Variants in CPED1 observed in about 807,000 individuals in gnomAD.
The protein encoded by CPED1 is cadherin like and PC-esterase domain containing 1, also known as cadherin-like and PC-esterase domain-containing protein 1.
In CPED1, 114 loss-of-function variants were observed where a neutral mutation model predicts 128.2. The ratio of observed to expected loss-of-function variants is 0.89; its 90% CI spans 0.76 to 1.04. The LOEUF is 1.04. Ranked by LOEUF, CPED1 falls within the 50% of genes least tolerant of loss-of-function variation. CPED1 has a pLI of 0.00. For synonymous variants in CPED1, 462 were observed against 426.7 expected (o/e 1.08, Z -1.02); for missense variants, 1,211 against 1,207.1 (o/e 1.00, Z -0.05).
chr7:121,099,588 C>T (rs1000343143), intron 6 of CPED1, among the ~76,000 whole-genome samples: 4 of 152,126 alleles, frequency 2.6e-5, no homozygotes, highest in African/African-American at 9.7e-5. Flanking sequence ...GCCTGGTCTC[C>T]AACTCCTGAG....
Position 121,036,624 on chromosome 7 carries a change from A to G in CPED1, c.434-10263A>G, listed in dbSNP as rs116225613. 1.6e-3 allele frequency among the ~76,000 whole-genome samples: 236 copies of G among 151,956 alleles called. 1 individual carries two copies. The highest frequency in any genetic ancestry group is 5.5e-3 in the African/African-American group (227 of 41,452). Reference sequence around the variant, plus strand: ...ATGCTTGTGTAAGTATCTTTTTCATATAATGACTTCTTTTCCATGGGTAGA... The same window carrying G: ...ATGCTTGTGTAAGTATCTTTTTCATGTAATGACTTCTTTTCCATGGGTAGA... On this transcript the variant is annotated intron_variant, in intron 3 of 22. Transcript: ENST00000310396.
rs143892755 is a variant in CPED1, at chr7:121,219,190, A to G, written c.2056-17524A>G. On this transcript the variant is annotated intron_variant, in intron 16 of 22. Coordinates refer to ENST00000310396, the MANE Select transcript of CPED1 (RefSeq NM_024913.5). ...TGGATTCCATCTGGAACCAAAACCA[A>G]AAGTGCGAGAAACCACAACAAAGGC... Among the ~76,000 whole-genome samples, 805 of 152,138 alleles carry G rather than the reference A, an allele frequency of 5.3e-3. 7 individuals carry two copies. Among genetic ancestry groups the G allele is most frequent in the African/African-American group, 0.018 (738 of 41,560 alleles).
rs1305781991 is a variant in CPED1, at chr7:121,142,105, C to T, written c.2019C>T (p.Pro673=). Residue 673 remains proline (P), a synonymous_variant, in exon 16 of 23, where the codon CCC becomes CCT. Coordinates refer to ENST00000310396, the MANE Select transcript of CPED1 (RefSeq NM_024913.5). ...ATAGAGAAGACCGCCCAAGTCTGCCCTTGTTTGAGGCCTTCACAGCATGTG... is the reference window on the plus strand; with the variant it reads ...ATAGAGAAGACCGCCCAAGTCTGCCTTTGTTTGAGGCCTTCACAGCATGTG... The part of the protein sequence containing the change: ...TIYREDRPSL[P]LFEAFTACGF... 6.2e-7 allele frequency: 1 copy of T among 1,612,048 alleles called. No individual in the cohort carries two copies. The highest frequency in any genetic ancestry group is 8.5e-7 in the Non-Finnish European group (1 of 1,178,608).
chr7:121,052,235 G>A (rs1050153829), intron 4 of CPED1, among the ~76,000 whole-genome samples: 1 of 152,124 alleles, frequency 6.6e-6, no homozygotes, highest in African/African-American at 2.4e-5. Context: ...GCATTCATCA[G>A]TCCTATCTGA....
At chr7:121,187,466 A>C (rs1797028891) in intron 16 of CPED1, among the ~76,000 whole-genome samples, 1 of 152,162 alleles carries the variant, frequency 6.6e-6, no homozygotes, top group African/African-American at 2.4e-5. Context: ...GTGATATATG[A>C]AGAGGATGGA....
At chr7:121,029,479 A>AT (rs1327390161) in intron 3 of CPED1, among the ~76,000 whole-genome samples, 2 of 152,154 alleles carry the variant, frequency 1.3e-5, no homozygotes, top group East Asian at 3.8e-4. Context: ...GAAAATTGTT[A>AT]TTTGTGTCAT....
intron 2 of CPED1, among the ~76,000 whole-genome samples, chr7:121,010,682 C>T (rs543390699): frequency 2.0e-5 from 3 of 152,260 alleles, no homozygotes; most frequent in East Asian, 1.9e-4. Context: ...TTTGGGAGTA[C>T]AGTCAGAAGA....
At chr7:121,204,741 A>G (rs1193561389) in intron 16 of CPED1, among the ~76,000 whole-genome samples, 1 of 152,182 alleles carries the variant, frequency 6.6e-6, no homozygotes, top group Non-Finnish European at 1.5e-5. Flanking sequence ...CCCATGATGC[A>G]GGTCAAGTTT....
intron 18 of CPED1, among the ~76,000 whole-genome samples, chr7:121,263,686 T>C (rs1384465475): frequency 1.3e-5 from 2 of 152,070 alleles, no homozygotes; most frequent in Admixed American, 1.3e-4. Flanking sequence ...AATTTTGTTG[T>C]TGTTTTTCTC....
chr7:121,130,664 A>T (rs1370669103), intron 12 of CPED1, among the ~76,000 whole-genome samples: 1 of 152,054 alleles, frequency 6.6e-6, no homozygotes, highest in Non-Finnish European at 1.5e-5. Flanking sequence ...GCAGCTTGAG[A>T]CAGTAAAATT....
At chr7:121,147,459 G>GT (rs1796048292) in intron 16 of CPED1, among the ~76,000 whole-genome samples, 1 of 152,070 alleles carries the variant, frequency 6.6e-6, no homozygotes. Context: ...GATTTAGAAA[G>GT]TAATAAACTG....
chr7:121,129,305 A>ACG (rs1324384087), intron 11 of CPED1, among the ~76,000 whole-genome samples: 305 of 5,626 alleles, frequency 0.054, 4 homozygotes, highest in Admixed American at 0.1. Context: ...ATATATATAT[A>ACG]TATATACGTA....
chr7:121,171,002 A>G (rs111612813), intron 16 of CPED1, among the ~76,000 whole-genome samples: 102 of 152,146 alleles, frequency 6.7e-4, no homozygotes, highest in African/African-American at 2.2e-3. Context: ...GTGAGCCAAG[A>G]TCGAGCCACT....
chr7:121,144,094 G>C (rs181670931), intron 16 of CPED1, among the ~76,000 whole-genome samples: 1 of 152,162 alleles, frequency 6.6e-6, no homozygotes, highest in Non-Finnish European at 1.5e-5. Context: ...TTGTGGGAAA[G>C]TAAACTAGTA....
chr7:121,022,460 T>A (rs1326214607), intron 3 of CPED1, among the ~76,000 whole-genome samples: 1 of 152,022 alleles, frequency 6.6e-6, no homozygotes, highest in East Asian at 1.9e-4. Context: ...AAGGCTCTCC[T>A]GTTACATTTG....
rs759332316 is a variant in CPED1 at position 121,236,786 on chromosome 7, A to T, written c.2128A>T (p.Ile710Phe). 2 of 1,609,420 alleles carry T rather than the reference A, an allele frequency of 1.2e-6. No individual in the cohort carries two copies. Among genetic ancestry groups the T allele is most frequent in the African/African-American group, 1.3e-5 (1 of 74,908 alleles). Residue 710 changes from isoleucine to phenylalanine, a missense_variant, in exon 17 of 23, where the codon ATT becomes TTT. Ile to Phe is a conservative substitution (Grantham distance 21). Coordinates refer to ENST00000310396, the MANE Select transcript of CPED1 (RefSeq NM_024913.5). ...QPISSDYIEA[I>F]LQSELKRCPS... Reference sequence around the variant, plus strand: ...TATTTCTTCTGACTACATTGAAGCCATTTTACAGTCTGAACTAAAAAGATG... The same window carrying T: ...TATTTCTTCTGACTACATTGAAGCCTTTTTACAGTCTGAACTAAAAAGATG...
intron 4 of CPED1, among the ~76,000 whole-genome samples, chr7:121,059,077 G>T (rs1793583507): frequency 6.6e-6 from 1 of 152,182 alleles, no homozygotes; most frequent in Non-Finnish European, 1.5e-5. Context: ...AGTGAAGCGA[G>T]GTCCATTATT....
At chr7:121,196,755 G>A (rs992705684) in intron 16 of CPED1, among the ~76,000 whole-genome samples, 12 of 152,010 alleles carry the variant, frequency 7.9e-5, no homozygotes, top group African/African-American at 2.2e-4. Context: ...GCTACCGTAC[G>A]CTGACAGAGA....
intron 16 of CPED1, among the ~76,000 whole-genome samples, chr7:121,187,992 T>A (rs570980226): frequency 1.1e-4 from 17 of 152,296 alleles, no homozygotes; most frequent in South Asian, 6.2e-4. Context: ...ACAAACCAAC[T>A]GTTTAAAAAC....
Sources: gnomAD v4.1 joint callset for allele counts (sites outside exome capture counted in the v4.1 genomes callset) on GRCh38, gnomAD v4.1.1 for gene constraint, MANE v1.5 for transcripts, NCBI Gene and HGNC (gene_info 2026-07-23, HGNC 2026-07-21) for gene names.